Variants in GDPD1 observed in about 807,000 individuals in gnomAD.
GDPD1 encodes lysophospholipase D GDPD1.
In GDPD1, 28 loss-of-function variants were observed where a neutral mutation model predicts 45.1. The ratio of observed to expected loss-of-function variants is 0.62; its 90% CI spans 0.46 to 0.85. The LOEUF (loss-of-function observed/expected upper bound fraction) is 0.85, where lower values mean the gene tolerates loss of function less well. Ranked by LOEUF, GDPD1 falls within the 40% of genes least tolerant of loss-of-function variation. The pLI, the probability that GDPD1 is intolerant of heterozygous loss-of-function variation, is 0.00. For synonymous variants in GDPD1, 139 were observed against 131.4 expected (o/e 1.06, Z -0.40); for missense variants, 256 against 364.8 (o/e 0.70, Z 2.43).
Position 59,245,643 on chromosome 17 carries a change from T to C in GDPD1, c.321+94T>C, listed in dbSNP as rs1408628633. On this transcript the variant is annotated intron_variant, in intron 3 of 9. Transcript: ENST00000284116. ...GCGAATATCAGCAAAAAATTTCTAA[T>C]ATTATTTAAATACTGATTAAATACT... 10 of 931,518 alleles carry C rather than the reference T, an allele frequency of 1.1e-5. No individual in the cohort carries two copies. The East Asian group carries it at 2.7e-4, about 25-fold the overall frequency. The allele number at this position is 931,518 out of a possible 1,614,324, so 57.7% of individuals were successfully genotyped here.
chr17:59,254,767 C>T (rs1250036148), intron 4 of GDPD1, among the ~76,000 whole-genome samples: 1 of 152,176 alleles, frequency 6.6e-6, no homozygotes, highest in African/African-American at 2.4e-5. Flanking sequence ...TGGTCTCTCT[C>T]TATCTCCGTT....
In GDPD1 at chr17:59,264,966, G is replaced by A. The variant is rs572434709; in HGVS notation, c.577-2075G>A. 4.6e-5 allele frequency among the ~76,000 whole-genome samples: 7 copies of A among 151,710 alleles called. No homozygotes were observed. In the South Asian group the frequency reaches 1.3e-3, roughly 27 times the overall value. On this transcript the variant is annotated intron_variant, in intron 6 of 9. Transcript: ENST00000284116. ...AGAGATTCTCCTGCCTCAGCCTCCCGAGTAGCTGGGGTTACAGTTGTACGC... is the reference window on the plus strand; with the variant it reads ...AGAGATTCTCCTGCCTCAGCCTCCCAAGTAGCTGGGGTTACAGTTGTACGC...
intron 6 of GDPD1, among the ~76,000 whole-genome samples, chr17:59,265,726 CAT>C (rs2047393823): frequency 6.6e-6 from 1 of 151,154 alleles, no homozygotes; most frequent in Admixed American, 6.6e-5. Context: ...GGTGAAACCT[CAT>C]ATCTACAAAA....
intron 4 of GDPD1, chr17:59,249,013 C>T: frequency 2.9e-6 from 1 of 339,278 alleles, no homozygotes; most frequent in East Asian, 4.6e-5. Context: ...ACACTGATTG[C>T]AAGAAACATT....
rs925325428 is a variant in GDPD1 at position 59,257,755 on chromosome 17, C to T, written c.491C>T (p.Ser164Leu). 1.3e-6 allele frequency: 2 copies of T among 1,597,262 alleles called. No individual in the cohort carries two copies. The highest frequency in any genetic ancestry group is 1.7e-6 in the Non-Finnish European group (2 of 1,173,656). Residue 164 changes from serine to leucine, a missense_variant, in exon 6 of 10, where the codon TCA becomes TTA. Physicochemically the swap from Ser to Leu is moderately radical, Grantham distance 145. Coordinates refer to ENST00000284116, the MANE Select transcript of GDPD1 (RefSeq NM_182569.4). ...ATTTTGAATTTTCACACGTAGGTTT[C>T]AGAGTTGGTGAAGCGGTATAATCGA... ...VNNNVLIKKV[S>L]ELVKRYNREH...
chr17:59,224,139 G>A (rs1312279118), intron 1 of GDPD1, among the ~76,000 whole-genome samples: 1 of 152,134 alleles, frequency 6.6e-6, no homozygotes, highest in African/African-American at 2.4e-5. Context: ...TAGAAGACCA[G>A]CATGATTCAA....
intron 2 of GDPD1, among the ~76,000 whole-genome samples, chr17:59,237,514 A>G (rs2047142267): frequency 2.6e-5 from 4 of 152,210 alleles, no homozygotes; most frequent in African/African-American, 9.6e-5. Flanking sequence ...ATGCTTAAGT[A>G]TGGTATATTC....
rs570140885 is a variant in GDPD1, at chr17:59,266,800, C to T, written c.577-241C>T. 1.1e-4 allele frequency among the ~76,000 whole-genome samples: 16 copies of T among 152,172 alleles called. No individual in the cohort carries two copies. The South Asian group carries it at 2.7e-3, about 26-fold the overall frequency. ...AGAAGTGGTATTGCAAAAGCAGAGA[C>T]GGTAATAGAGAAATTTTAGTAACAT... On this transcript the variant is annotated intron_variant, in intron 6 of 9. Coordinates refer to ENST00000284116, the MANE Select transcript of GDPD1 (RefSeq NM_182569.4).
intron 2 of GDPD1, among the ~76,000 whole-genome samples, chr17:59,234,812 C>T (rs2047119542): frequency 6.6e-6 from 1 of 152,052 alleles, no homozygotes; most frequent in Non-Finnish European, 1.5e-5. Context: ...AAGGAATGTA[C>T]TGTGTATAAT....
chr17:59,264,538 C>T (rs945526475), intron 6 of GDPD1, among the ~76,000 whole-genome samples: 2 of 152,046 alleles, frequency 1.3e-5, no homozygotes, highest in East Asian at 1.9e-4. Context: ...GTGATCCACC[C>T]GTCTTGGCCT....
At chr17:59,264,539 G>A (rs140365425) in intron 6 of GDPD1, among the ~76,000 whole-genome samples, 3,784 of 152,126 alleles carry the variant, frequency 0.025, 156 homozygotes, top group African/African-American at 0.087. Context: ...TGATCCACCC[G>A]TCTTGGCCTC....
intron 1 of GDPD1, among the ~76,000 whole-genome samples, chr17:59,230,370 ATTTTTTTTTTT>A (rs942416287): frequency 1.7e-3 from 134 of 80,076 alleles, no homozygotes; most frequent in African/African-American, 8.7e-3. Context: ...CAGTTGTAGA[ATTTTTTTTTTT>A]TTTTTTTTTT....
rs149536097 is a variant in GDPD1 at position 59,222,505 on chromosome 17, C to CTTTTTTT, written c.142+1774_142+1780dup. Among the ~76,000 whole-genome samples, 182 of 41,734 alleles carry CTTTTTTT rather than the reference C, an allele frequency of 4.4e-3. 12 individuals carry two copies. The highest frequency in any genetic ancestry group is 0.015 in the African/African-American group (166 of 11,118). The allele number at this position is 41,734 out of a possible 152,430, so 27.4% of individuals were successfully genotyped here. A position where few individuals can be genotyped will look rare whatever the true frequency, so the allele number is the denominator to read the frequency against. Reference sequence around the variant, plus strand: ...ACAGGCGTGAGCCACAGTGCCCAGCCTTTTTTTTTTTTTTTTTTTTTTTTT... The same window carrying CTTTTTTT: ...ACAGGCGTGAGCCACAGTGCCCAGCCTTTTTTTTTTTTTTTTTTTTTTTTTTTTTTTT... On this transcript the variant is annotated intron_variant, in intron 1 of 9. Coordinates refer to ENST00000284116, the MANE Select transcript of GDPD1 (RefSeq NM_182569.4).
intron 6 of GDPD1, among the ~76,000 whole-genome samples, chr17:59,263,483 C>CTT (rs537639356): frequency 1.3e-4 from 16 of 120,306 alleles, no homozygotes; most frequent in African/African-American, 3.1e-4. Context: ...TTTTCCTTTC[C>CTT]TTTTTTTTTT....
chr17:59,232,645 A>G (rs2047100298), intron 1 of GDPD1, among the ~76,000 whole-genome samples: 1 of 152,194 alleles, frequency 6.6e-6, no homozygotes, highest in African/African-American at 2.4e-5. Flanking sequence ...AAGTGCCCAT[A>G]GACAACATGA....
intron 6 of GDPD1, among the ~76,000 whole-genome samples, chr17:59,258,468 G>A (rs1227078295): frequency 2.0e-5 from 3 of 151,988 alleles, no homozygotes; most frequent in African/African-American, 4.8e-5. Context: ...ACTTGAACCC[G>A]GGAAGCAGAG....
At chr17:59,230,370 ATTTTTTTT>A (rs942416287) in intron 1 of GDPD1, among the ~76,000 whole-genome samples, 86 of 80,076 alleles carry the variant, frequency 1.1e-3, no homozygotes, top group African/African-American at 5.7e-3. Flanking sequence ...CAGTTGTAGA[ATTTTTTTT>A]TTTTTTTTTT....
intron 6 of GDPD1, among the ~76,000 whole-genome samples, chr17:59,260,296 C>T (rs553387235): frequency 6.6e-6 from 1 of 151,968 alleles, no homozygotes; most frequent in Admixed American, 6.6e-5. Flanking sequence ...AATCCCAGCA[C>T]TTTGGGAGGC....
At chr17:59,266,700 T>C (rs1300213488) in intron 6 of GDPD1, among the ~76,000 whole-genome samples, 1 of 152,310 alleles carries the variant, frequency 6.6e-6, no homozygotes. Context: ...GAATATTCCA[T>C]ATATTCATCT....
Sources: gnomAD v4.1 joint callset for allele counts (sites outside exome capture counted in the v4.1 genomes callset) on GRCh38, gnomAD v4.1.1 for gene constraint, MANE v1.5 for transcripts, NCBI Gene and HGNC (gene_info 2026-07-23, HGNC 2026-07-21) for gene names.